PLCG2: variants seen among roughly 807,000 people sequenced by gnomAD.
PLCG2 encodes phospholipase C gamma 2, also known as 1-phosphatidylinositol 4,5-bisphosphate phosphodiesterase gamma-2.
PLCG2 carries 69 observed loss-of-function variants against 175.6 expected under a neutral mutation model. The observed-to-expected ratio is 0.39, with a 90% confidence interval of 0.32 to 0.48. PLCG2 has a LOEUF of 0.48. PLCG2 is among the 20% of genes least tolerant of loss of function. The pLI, the probability that PLCG2 is intolerant of heterozygous loss-of-function variation, is 0.91. For missense variants in PLCG2, 1,798 were observed against 1,650.9 expected, an observed-to-expected ratio of 1.09 and a Z score of -1.54; for synonymous variants, 827 against 624.0, an observed-to-expected ratio of 1.33 and a Z score of -4.85.
intron 14 of PLCG2, among the ~76,000 whole-genome samples, chr16:81,903,181 T>C (rs1001735809): frequency 2.4e-4 from 37 of 152,202 alleles, no homozygotes; most frequent in African/African-American, 8.9e-4. Flanking sequence ...AAGGGGGATG[T>C]CCTTCCAGGT....
At chr16:81,760,163 A>G (rs931582649) in intron 2 of PLCG2, among the ~76,000 whole-genome samples, 5 of 152,158 alleles carry the variant, frequency 3.3e-5, no homozygotes, top group African/African-American at 1.2e-4. Context: ...TTATTAAAGG[A>G]CATTAGGTGG....
At position 81,801,685 on chromosome 16, in the gene PLCG2, A is replaced by AT. The variant is rs776747204; in HGVS notation, c.193+15513dup. ...AGATAGTTGTTTTTTATTTTCTTTA[A>AT]TTTTTTTTTTCTTGAGGTGGTGTCT... is the stretch of plus-strand genomic sequence containing the variant. On this transcript the variant is annotated intron_variant, in intron 2 of 32. Transcript: ENST00000564138. Among the ~76,000 whole-genome samples the AT allele has an allele frequency of 3.3e-3, 499 of 149,476 alleles. 3 individuals carry two copies. Among genetic ancestry groups the AT allele is most frequent in the Middle Eastern group, 0.027 (8 of 294 alleles).
intron 1 of PLCG2, among the ~76,000 whole-genome samples, chr16:81,781,311 T>A (rs1910719996): frequency 6.6e-6 from 1 of 152,218 alleles, no homozygotes; most frequent in Non-Finnish European, 1.5e-5. Flanking sequence ...AAATTGCTTA[T>A]CTATCATCCT....
At chr16:81,936,628 T>C (rs1910725460) in intron 27 of PLCG2, among the ~76,000 whole-genome samples, 1 of 152,208 alleles carries the variant, frequency 6.6e-6, no homozygotes, top group Non-Finnish European at 1.5e-5. Flanking sequence ...TGAGTTAGTC[T>C]GGCTTAGAAA....
At chr16:81,880,272 G>C (rs540284582) in intron 7 of PLCG2, among the ~76,000 whole-genome samples, 1 of 152,280 alleles carries the variant, frequency 6.6e-6, no homozygotes, top group African/African-American at 2.4e-5. Flanking sequence ...ATAGAAAAAG[G>C]TATGTGTACC....
chr16:81,810,519 C>T (rs567399692), intron 2 of PLCG2, among the ~76,000 whole-genome samples: 3 of 152,300 alleles, frequency 2.0e-5, no homozygotes, highest in Non-Finnish European at 4.4e-5. Flanking sequence ...ATTTGGGTCA[C>T]CCATTCACAC....
chr16:81,873,544 C>T (rs1314205195), intron 7 of PLCG2, among the ~76,000 whole-genome samples: 1 of 150,430 alleles, frequency 6.6e-6, no homozygotes, highest in African/African-American at 2.5e-5. Flanking sequence ...TAAGTAGTTG[C>T]AAATAACAGT....
rs560868766 is a variant in PLCG2, at chr16:81,859,699, T to G, written c.479+536T>G. On this transcript the variant is annotated intron_variant, in intron 5 of 32. Coordinates refer to ENST00000564138, the MANE Select transcript of PLCG2 (RefSeq NM_002661.5). ...ACAGGCACCCGCCACCATGCCCGGC[T>G]AATTTTTTTTGTATTTTTAGTAGAG... Among the ~76,000 whole-genome samples the G allele has an allele frequency of 3.3e-5, 5 of 152,162 alleles. No homozygotes were observed. In the South Asian group the frequency reaches 1.0e-3, roughly 32 times the overall value.
chr16:81,868,477 C>G (rs1222128845), intron 5 of PLCG2, among the ~76,000 whole-genome samples: 4 of 152,214 alleles, frequency 2.6e-5, no homozygotes, highest in Non-Finnish European at 4.4e-5. Flanking sequence ...TCTTTCCTGG[C>G]TGATTCTGCC....
In PLCG2 at chr16:81,889,180, G is replaced by C. The variant is rs1399808332; in HGVS notation, c.774G>C (p.Trp258Cys). 3 of 1,589,072 alleles carry C rather than the reference G, an allele frequency of 1.9e-6. No homozygotes were observed. Among genetic ancestry groups the C allele is most frequent in the Non-Finnish European group, 2.6e-6 (3 of 1,162,184 alleles). The change falls in exon 10 of 33, where the codon TGG becomes TGC. Residue 258 changes from tryptophan to cysteine, a missense_variant. Physicochemically the swap from Trp to Cys is radical, Grantham distance 215. Coordinates refer to ENST00000564138, the MANE Select transcript of PLCG2 (RefSeq NM_002661.5). ...RFLIHEQQEH[W>C]AQDLNKVRER... ...CTCTTTGTCATTTTAAGGAGCATTGGGCTCAGGATCTGAACAAAGTCCGTG... is the reference window on the plus strand; with the variant it reads ...CTCTTTGTCATTTTAAGGAGCATTGCGCTCAGGATCTGAACAAAGTCCGTG...
intron 2 of PLCG2, among the ~76,000 whole-genome samples, chr16:81,757,831 C>CA (rs1235477168): frequency 6.6e-6 from 1 of 152,132 alleles, no homozygotes; most frequent in Non-Finnish European, 1.5e-5. Flanking sequence ...CCCCTTCCCC[C>CA]ACCCCTTCAA....
chr16:81,912,621 C>T lies in PLCG2; in HGVS notation c.1959C>T (p.Arg653=), dbSNP rs117835631. Residue 653 remains arginine (R), a synonymous_variant, in exon 19 of 33, where the codon CGC becomes CGT. Coordinates refer to ENST00000564138, the MANE Select transcript of PLCG2 (RefSeq NM_002661.5). ...SKPWYYDSLS[R]GEAEDMLMRI... Reference sequence around the variant, plus strand: ...GGTGGTACTATGACAGCCTGAGCCGCGGAGAGGCAGAGGACATGCTGATGA... The same window carrying T: ...GGTGGTACTATGACAGCCTGAGCCGTGGAGAGGCAGAGGACATGCTGATGA... 1,031 of 1,613,134 alleles carry T rather than the reference C, an allele frequency of 6.4e-4. 17 individuals are homozygous for T. In the East Asian group the frequency reaches 0.019, roughly 29 times the overall value.
At chr16:81,858,457 A>T (rs973512006) in intron 4 of PLCG2, 101 bp downstream of exon 4, 1 of 845,480 alleles carries the variant, frequency 1.2e-6, no homozygotes, top group Non-Finnish European at 2.0e-6. Flanking sequence ...AAAAAGGGAC[A>T]TTGGTTTTTT....
chr16:81,790,586 G>C (rs886076946), intron 2 of PLCG2, among the ~76,000 whole-genome samples: 21 of 152,164 alleles, frequency 1.4e-4, no homozygotes, highest in African/African-American at 4.8e-4. Context: ...GAACTTGCTG[G>C]TTACTGTGGG....
At chr16:81,753,986 C>T (rs1294768663) in intron 1 of PLCG2, among the ~76,000 whole-genome samples, 1 of 152,080 alleles carries the variant, frequency 6.6e-6, no homozygotes, top group Non-Finnish European at 1.5e-5. Context: ...TGAGGCGCTG[C>T]CCTGTGTCTT....
intron 2 of PLCG2, among the ~76,000 whole-genome samples, chr16:81,789,708 C>T (rs76895409): frequency 0.029 from 4,403 of 152,074 alleles, 213 homozygotes; most frequent in African/African-American, 0.1. Context: ...TAATAAGTCC[C>T]CCGGATGGTC....
At chr16:81,931,430 G>T (rs1312246253) in intron 24 of PLCG2, 67 bp from the exon 25 acceptor site, 1 of 1,494,652 alleles carries the variant, frequency 6.7e-7, no homozygotes, top group Non-Finnish European at 9.2e-7. Context: ...GCTCAGGCAG[G>T]GTGCAGTCTG....
In PLCG2 at chr16:81,903,157, A is replaced by G. The variant is rs1005288113; in HGVS notation, c.1363-2246A>G. On this transcript the variant is annotated intron_variant, in intron 14 of 32. Coordinates refer to ENST00000564138, the MANE Select transcript of PLCG2 (RefSeq NM_002661.5). The stretch of plus-strand genomic sequence containing the variant: ...GGGAGGACACAGACATTCAGACCAT[A>G]GCAGTAGGCAGAGAAGGGGGATGTC... Among the ~76,000 whole-genome samples, 7 of 152,352 alleles carry G rather than the reference A, an allele frequency of 4.6e-5. No homozygotes were observed. In the East Asian group the frequency reaches 1.2e-3, roughly 25 times the overall value.
intron 5 of PLCG2, among the ~76,000 whole-genome samples, chr16:81,867,789 C>T (rs1027236441): frequency 3.3e-5 from 5 of 152,104 alleles, no homozygotes; most frequent in African/African-American, 1.2e-4. Flanking sequence ...GCTCCGCCTC[C>T]CGAATTCACG....
Sources: allele counts gnomAD v4.1 joint callset (sites outside exome capture counted in the v4.1 genomes callset), GRCh38; gene constraint gnomAD v4.1.1; transcripts MANE v1.5; gene names NCBI Gene and HGNC (gene_info 2026-07-23, HGNC 2026-07-21).